Variants in TGFBR3 observed in about 807,000 individuals in gnomAD.
The protein encoded by TGFBR3 is transforming growth factor beta receptor 3, also known as transforming growth factor beta receptor type 3.
In TGFBR3, 46 loss-of-function variants were observed where a neutral mutation model predicts 87.9. That is an observed-to-expected ratio of 0.52 (90% CI 0.41 to 0.67). The LOEUF is 0.67. TGFBR3 is among the 30% of genes least tolerant of loss of function. The probability of loss-of-function intolerance (pLI) is 0.00; values close to 1 mark genes in which losing one functional copy is unlikely to be tolerated. For missense variants in TGFBR3, 866 were observed against 1,041.9 expected (o/e 0.83, Z 2.32); for synonymous variants, 381 against 391.6 (o/e 0.97, Z 0.32).
intron 1 of TGFBR3, among the ~76,000 whole-genome samples, chr1:91,869,377 A>T (rs1678501407): frequency 6.6e-6 from 1 of 152,216 alleles, no homozygotes; most frequent in Non-Finnish European, 1.5e-5. Context: ...CAATAAAAAT[A>T]GTACAGGCCG....
At chr1:91,698,578 A>C (rs1283263186) in intron 14 of TGFBR3, among the ~76,000 whole-genome samples, 1 of 140,598 alleles carries the variant, frequency 7.1e-6, no homozygotes, top group Admixed American at 7.8e-5. Context: ...TGGCGCCCTC[A>C]GCTCACTGCA....
chr1:91,746,797 G>A (rs1439422901), intron 4 of TGFBR3, among the ~76,000 whole-genome samples: 3 of 151,980 alleles, frequency 2.0e-5, no homozygotes, highest in Non-Finnish European at 1.5e-5. Context: ...GCTGACAGAA[G>A]CTAAAGGATC....
chr1:91,699,752 CAGA>C (rs1201655546), intron 14 of TGFBR3, among the ~76,000 whole-genome samples: 1 of 152,178 alleles, frequency 6.6e-6, no homozygotes, highest in African/African-American at 2.4e-5. Flanking sequence ...AGCATCAGGG[CAGA>C]AGTTGAATCA....
upstream of TGFBR3, among the ~76,000 whole-genome samples, chr1:91,887,262 T>TTTTTTTTTTTTG (rs1165045165): frequency 7.8e-3 from 979 of 125,170 alleles, 131 homozygotes; most frequent in African/African-American, 0.021. Flanking sequence ...TTTTTTTTTT[T>TTTTTTTTTTTTG]TGAGATGGAG....
intron 2 of TGFBR3, among the ~76,000 whole-genome samples, chr1:91,853,158 C>CA (rs1677805649): frequency 7.3e-6 from 1 of 137,716 alleles, no homozygotes; most frequent in Non-Finnish European, 1.6e-5. Flanking sequence ...GACCCTGTCT[C>CA]AAAAAAACAA....
intron 2 of TGFBR3, among the ~76,000 whole-genome samples, chr1:91,855,860 T>A (rs1328232644): frequency 3.3e-5 from 5 of 152,174 alleles, no homozygotes; most frequent in Non-Finnish European, 7.3e-5. Context: ...TTTCTTTTTT[T>A]TTCTTTTTTG....
At chr1:91,701,372 A>G (rs1671615244) in intron 14 of TGFBR3, among the ~76,000 whole-genome samples, 2 of 152,048 alleles carry the variant, frequency 1.3e-5, no homozygotes, top group African/African-American at 4.8e-5. Context: ...CTTGATCTCC[A>G]CCGGAACCCT....
chr1:91,714,204 C>T (rs1212238603), intron 12 of TGFBR3, among the ~76,000 whole-genome samples: 1 of 151,714 alleles, frequency 6.6e-6, no homozygotes, highest in Non-Finnish European at 1.5e-5. Context: ...AATGAGAACA[C>T]GAATACCCAC....
intron 2 of TGFBR3, among the ~76,000 whole-genome samples, chr1:91,816,490 A>G (rs1676229152): frequency 6.6e-6 from 1 of 152,166 alleles, no homozygotes; most frequent in Admixed American, 6.5e-5. Context: ...GTTGGATAAC[A>G]TATTATTTTG....
At chr1:91,888,307 A>G (rs1458876343), upstream of TGFBR3, among the ~76,000 whole-genome samples, 2 of 152,250 alleles carry the variant, frequency 1.3e-5, no homozygotes, top group African/African-American at 4.8e-5. Context: ...CTTTATCAGC[A>G]GCATGAAAAC....
At chr1:91,717,874 CTTTTT>C (rs56325630) in intron 10 of TGFBR3, among the ~76,000 whole-genome samples, 2 of 146,264 alleles carry the variant, frequency 1.4e-5, no homozygotes, top group Non-Finnish European at 3.0e-5. Context: ...AAGCAACTGA[CTTTTT>C]TTTTTTTTTA....
chr1:91,764,380 T>C (rs1278313052), intron 3 of TGFBR3, among the ~76,000 whole-genome samples: 1 of 149,278 alleles, frequency 6.7e-6, no homozygotes, highest in East Asian at 2.0e-4. Context: ...AAATAAGCTC[T>C]GCTCCATATT....
At chr1:91,855,242 A>G (rs1230716049) in intron 2 of TGFBR3, among the ~76,000 whole-genome samples, 1 of 152,226 alleles carries the variant, frequency 6.6e-6, no homozygotes, top group Non-Finnish European at 1.5e-5. Flanking sequence ...CCAAAAGGAT[A>G]CATCTGGGTA....
intron 2 of TGFBR3, among the ~76,000 whole-genome samples, chr1:91,858,759 T>TA (rs1461141602): frequency 6.6e-6 from 1 of 151,410 alleles, no homozygotes; most frequent in Non-Finnish European, 1.5e-5. Flanking sequence ...CATGCTATTA[T>TA]AAAATCTGTA....
intron 14 of TGFBR3, among the ~76,000 whole-genome samples, chr1:91,705,261 GT>G (rs781287791): frequency 3.9e-5 from 5 of 127,502 alleles, no homozygotes; most frequent in Non-Finnish European, 6.5e-5. Flanking sequence ...GTTTTGCTCT[GT>G]CCCCCAGGCT....
chr1:91,808,685 C>G (rs1316139487), intron 2 of TGFBR3, among the ~76,000 whole-genome samples: 1 of 152,136 alleles, frequency 6.6e-6, no homozygotes, highest in African/African-American at 2.4e-5. Context: ...AGGCTGGTCT[C>G]AAACCCTTGG....
chr1:91,837,178 A>G (rs1474908897), intron 2 of TGFBR3, among the ~76,000 whole-genome samples: 5 of 152,106 alleles, frequency 3.3e-5, no homozygotes, highest in African/African-American at 1.2e-4. Flanking sequence ...AAACCAAAGA[A>G]CCAAAATAAC....
intron 1 of TGFBR3, among the ~76,000 whole-genome samples, chr1:91,864,609 T>TGC (rs1678318072): frequency 1.3e-5 from 2 of 152,166 alleles, no homozygotes; most frequent in South Asian, 4.1e-4. Context: ...TGGTGAAAGA[T>TGC]TCCCAAGGCA....
At chr1:91,900,450 G>A (rs1019544304) in intron 1 of TGFBR3, among the ~76,000 whole-genome samples, 2 of 152,222 alleles carry the variant, frequency 1.3e-5, no homozygotes, top group Admixed American at 6.5e-5. Context: ...TTAGCTGTTA[G>A]ATGAACCGTT....
Sources: gnomAD v4.1 joint callset for allele counts (sites outside exome capture counted in the v4.1 genomes callset) on GRCh38, gnomAD v4.1.1 for gene constraint, MANE v1.5 for transcripts, NCBI Gene and HGNC (gene_info 2026-07-23, HGNC 2026-07-21) for gene names.